PHIP: variants seen among roughly 807,000 people sequenced by gnomAD.
PHIP encodes the protein PH-interacting protein.
A neutral mutation model predicts 236.8 loss-of-function variants in PHIP; 54 were observed. The ratio of observed to expected loss-of-function variants is 0.23; its 90% CI spans 0.18 to 0.29. The LOEUF (loss-of-function observed/expected upper bound fraction) is 0.29. Among genes scored for constraint, PHIP ranks in the 10% least tolerant of loss-of-function variants. The probability of loss-of-function intolerance (pLI) is 1.00; values close to 1 mark genes in which losing one functional copy is unlikely to be tolerated. For missense variants in PHIP, 1,370 were observed against 2,190.8 expected (o/e 0.63, Z 7.48); for synonymous variants, 756 against 718.9 (o/e 1.05, Z -0.83).
In PHIP at chr6:79,001,911, C is replaced by G. The variant is rs562652239; in HGVS notation, c.1867G>C (p.Val623Leu). The G allele has an allele frequency of 2.5e-6, 4 of 1,607,652 alleles. No homozygotes were observed. In the African/African-American group the frequency reaches 4.0e-5, roughly 16 times the overall value. Residue 623 changes from valine (V) to leucine (L), a missense_variant, in exon 17 of 40, where the codon GTA (valine) becomes CTA (leucine). Val to Leu is a conservative substitution (Grantham distance 32). Around this residue, in one of 14 missense-constraint regions of PHIP, gnomAD observed 133 missense variants for 245.2 expected, o/e 0.54. Transcript: ENST00000275034. ...AATGAGCACCTACCTGAGGAAGTTACTCCCATCTGAGGGATGAGTTGCTCC... is the reference window on the plus strand; with the variant it reads ...AATGAGCACCTACCTGAGGAAGTTAGTCCCATCTGAGGGATGAGTTGCTCC... ...REEQLIPQMG[V>L]TSSGLNQVLS...
In PHIP at chr6:78,936,368, CCT is replaced by C. The variant is rs780873359; in HGVS notation, c.*4323_*4324del. 4.0e-5 allele frequency: 6 copies of C among 151,798 alleles called. No individual in the cohort carries two copies. Among genetic ancestry groups the C allele is most frequent in the Non-Finnish European group, 7.4e-5 (5 of 67,792 alleles). The allele number at this position is 151,798 out of a possible 1,614,324, so 9.4% of individuals were successfully genotyped here. On this transcript the variant is annotated 3_prime_UTR_variant, in exon 40 of 40. Coordinates refer to ENST00000275034, the MANE Select transcript of PHIP (RefSeq NM_017934.7). Reference sequence around the variant, plus strand: ...TTTCTAAAAGATCTTCAGTAAGACCCCTGTCTTCTTGCAGTTTTAATATGGTC... The same window carrying C: ...TTTCTAAAAGATCTTCAGTAAGACCCGTCTTCTTGCAGTTTTAATATGGTC...
chr6:78,987,539 T>G (rs902871282), intron 21 of PHIP, among the ~76,000 whole-genome samples: 2 of 152,098 alleles, frequency 1.3e-5, no homozygotes, highest in Non-Finnish European at 1.5e-5. Context: ...CAACATGGCT[T>G]CAAAAGTGTA....
chr6:79,053,219 CAGG>C lies in PHIP; in HGVS notation c.439+7256_439+7258del, dbSNP rs926399934. ...GTCTCAGCTACTTGAGGGGCTGAGG[CAGG>C]AGAATGGCTTGAACCTGGGAGGAGC... On this transcript the variant is annotated intron_variant, in intron 6 of 39. Transcript: ENST00000275034. Among the ~76,000 whole-genome samples the C allele has an allele frequency of 5.7e-4, 86 of 152,186 alleles. 1 individual carries two copies. Among genetic ancestry groups the C allele is most frequent in the African/African-American group, 2.0e-3 (84 of 41,542 alleles).
chr6:78,978,796 T>TA (rs1768300580), intron 23 of PHIP, 85 bp from the exon 24 acceptor site: 4 of 1,092,018 alleles, frequency 3.7e-6, no homozygotes, highest in Non-Finnish European at 5.2e-6. Context: ...ACTATAAAGA[T>TA]AATTAAATAA....
intron 32 of PHIP, chr6:78,957,518 A>G (rs1176117977): frequency 6.6e-6 from 1 of 151,746 alleles, no homozygotes; most frequent in Admixed American, 6.6e-5. Context: ...GTTAAAACAC[A>G]TTAATCAAAA....
intron 24 of PHIP, among the ~76,000 whole-genome samples, chr6:78,973,013 G>A (rs1017392209): frequency 5.3e-5 from 8 of 152,048 alleles, no homozygotes; most frequent in Non-Finnish European, 7.4e-5. Flanking sequence ...TTGAGATTCA[G>A]GAAATACAGA....
intron 4 of PHIP, among the ~76,000 whole-genome samples, chr6:79,070,783 C>G (rs1773843847): frequency 6.6e-6 from 1 of 152,162 alleles, no homozygotes; most frequent in East Asian, 1.9e-4. Context: ...TAAATCATCT[C>G]TAGATTACTT....
At chr6:79,002,913 T>C (rs1770079863) in intron 16 of PHIP, among the ~76,000 whole-genome samples, 1 of 152,110 alleles carries the variant, frequency 6.6e-6, no homozygotes, top group Non-Finnish European at 1.5e-5. Flanking sequence ...TCTAAATGTT[T>C]TGAGATGATA....
At chr6:79,048,758 A>T (rs924204722) in intron 6 of PHIP, among the ~76,000 whole-genome samples, 3 of 152,186 alleles carry the variant, frequency 2.0e-5, no homozygotes, top group African/African-American at 4.8e-5. Context: ...TTCCCTCTTA[A>T]TCAGAAATGG....
At chr6:79,017,620 A>AT (rs1770895924) in intron 10 of PHIP, 37 bp from the exon 11 acceptor site, 1 of 1,412,260 alleles carries the variant, frequency 7.1e-7, no homozygotes, top group South Asian at 1.2e-5. Flanking sequence ...GAAGTAAAAC[A>AT]TAACTTCAAA....
rs769892015 is a variant in PHIP, at chr6:78,961,653, C to T, written c.3656+37G>A. The T allele has an allele frequency of 2.5e-6, 4 of 1,601,746 alleles. No homozygotes were observed. In the South Asian group the frequency reaches 3.3e-5, roughly 13 times the overall value. ...AGTAAATGGGTGGAAAGATCACCAG[C>T]TTTCCTTTGATAGTAGCTACATCAA... On this transcript the variant is annotated intron_variant, in intron 31 of 39. Coordinates refer to ENST00000275034, the MANE Select transcript of PHIP (RefSeq NM_017934.7).
chr6:79,058,553 G>C (rs1291723185), intron 6 of PHIP, among the ~76,000 whole-genome samples: 1 of 152,122 alleles, frequency 6.6e-6, no homozygotes, highest in Non-Finnish European at 1.5e-5. Flanking sequence ...CAAACAGTCT[G>C]GGTTGAATCC....
At position 78,997,476 on chromosome 6, in the gene PHIP, C is replaced by T. The variant is rs1769695394; in HGVS notation, c.2139G>A (p.Glu713=). Residue 713 remains glutamate, a synonymous_variant, in exon 19 of 40, where the codon GAG becomes GAA. Coordinates refer to ENST00000275034, the MANE Select transcript of PHIP (RefSeq NM_017934.7). The stretch of plus-strand genomic sequence containing the variant: ...TTCGACTCCAAGCTACCAGATCCCG[C>T]TCTGTGGCTATTTCACTTCTTGGTG... ...SNAPRSEIAT[E]RDLVAWSRRV... is the part of the protein sequence containing the mutation. 3.1e-6 allele frequency: 5 copies of T among 1,614,048 alleles called. No homozygotes were observed. The highest frequency in any genetic ancestry group is 4.2e-6 in the Non-Finnish European group (5 of 1,179,948).
intron 4 of PHIP, among the ~76,000 whole-genome samples, chr6:79,066,933 T>C (rs1773650782): frequency 6.6e-6 from 1 of 152,110 alleles, no homozygotes; most frequent in South Asian, 2.1e-4. Flanking sequence ...CTCGTTCTGT[T>C]ACCAAGGCTA....
chr6:79,017,873 C>A (rs1262761637), intron 10 of PHIP, among the ~76,000 whole-genome samples: 1 of 151,844 alleles, frequency 6.6e-6, no homozygotes, highest in South Asian at 2.1e-4. Context: ...TTATCAGTCA[C>A]CTTCACTAGA....
At chr6:79,063,577 T>C (rs1005269787) in intron 4 of PHIP, among the ~76,000 whole-genome samples, 3 of 151,994 alleles carry the variant, frequency 2.0e-5, no homozygotes, top group Non-Finnish European at 4.4e-5. Context: ...CCACCTAACC[T>C]GGCTAATTTT....
intron 9 of PHIP, 39 bp downstream of exon 9, chr6:79,025,480 C>A: frequency 8.1e-7 from 1 of 1,235,904 alleles, no homozygotes; most frequent in Non-Finnish European, 1.2e-6. Context: ...ACTCATTAAA[C>A]TAAACACATT....
At chr6:78,972,242 T>A (rs1404424288) in intron 24 of PHIP, among the ~76,000 whole-genome samples, 1 of 152,198 alleles carries the variant, frequency 6.6e-6, no homozygotes, top group Non-Finnish European at 1.5e-5. Context: ...GCAGCCTAAC[T>A]GGGAGGCACC....
intron 6 of PHIP, 135 bp downstream of exon 6, chr6:79,060,343 A>G: frequency 1.8e-6 from 1 of 558,304 alleles, no homozygotes; most frequent in South Asian, 3.3e-5. Context: ...AAGAAAAAAA[A>G]TCTATTTTTT....
Sources: allele counts gnomAD v4.1 joint callset (sites outside exome capture counted in the v4.1 genomes callset), GRCh38; gene constraint gnomAD v4.1.1; regional missense constraint gnomAD v4.1.1; transcripts MANE v1.5; gene names NCBI Gene and HGNC (gene_info 2026-07-23, HGNC 2026-07-21).